CELF2: variants seen among roughly 807,000 people sequenced by gnomAD.
CELF2 encodes the protein CUGBP Elav-like family member 2, also known as CUG triplet repeat RNA-binding protein 2.
In CELF2, 8 loss-of-function variants were observed where a neutral mutation model predicts 62.6. The observed-to-expected ratio is 0.13, with a 90% CI of 0.07 to 0.23. CELF2 has a LOEUF of 0.23. Among genes scored for constraint, CELF2 ranks in the 10% least tolerant of loss-of-function variants. CELF2 has a pLI of 1.00. For missense variants in CELF2, 333 were observed against 671.0 expected, an observed-to-expected ratio of 0.50 and a Z score of 5.56; for synonymous variants, 258 against 250.0, an observed-to-expected ratio of 1.03 and a Z score of -0.30.
chr10:10,546,927 C>T, the CELF2 span, among the ~76,000 whole-genome samples: 4 of 151,780 alleles, frequency 2.6e-5, no homozygotes, highest in East Asian at 3.9e-4. Flanking sequence ...GGCAACATGG[C>T]GAAACCCCAT....
chr10:10,863,519 T>C (rs2060168799), intron 1 of CELF2, among the ~76,000 whole-genome samples: 1 of 152,194 alleles, frequency 6.6e-6, no homozygotes, highest in Non-Finnish European at 1.5e-5. Context: ...GTCTTATCTA[T>C]CAAATGGGGC....
intron 1 of CELF2, among the ~76,000 whole-genome samples, chr10:11,099,881 CAACAAAAAA>C (rs1157589465): frequency 7.5e-6 from 1 of 133,770 alleles, no homozygotes; most frequent in Admixed American, 7.6e-5. Flanking sequence ...ACAACAACAA[CAACAAAAAA>C]AAAAAAAAAA....
In CELF2 at chr10:11,329,856, A is replaced by C. The variant is rs575212262; in HGVS notation, c.*803A>C. ...TAATAATAAATAAATACATAAATAC[A>C]TAAATAAAAAAGAAAGCCACAGGCC... is the stretch of plus-strand genomic sequence containing the variant. On this transcript the variant is annotated 3_prime_UTR_variant, in exon 13 of 13. Coordinates refer to ENST00000633077, the MANE Select transcript of CELF2 (RefSeq NM_001326342.2). The surrounding 1 kb of genome is among the most constrained non-coding windows in gnomAD (Gnocchi z 5.5). 1 of 152,208 alleles carries C rather than the reference A, an allele frequency of 6.6e-6. No homozygotes were observed. The highest frequency in any genetic ancestry group is 2.4e-5 in the African/African-American group (1 of 41,402). 9.4% of individuals were successfully genotyped at this position (152,208 alleles called of 1,614,324 possible). A position where few individuals can be genotyped will look rare whatever the true frequency, so the allele number is the denominator to read the frequency against.
At chr10:10,574,872 GTTTTTTTTTTT>G in the CELF2 span, among the ~76,000 whole-genome samples, 1 of 105,980 alleles carries the variant, frequency 9.4e-6, no homozygotes, top group African/African-American at 3.2e-5. Flanking sequence ...ACCATGCCTG[GTTTTTTTTTTT>G]TTTTTTTTTT....
chr10:10,852,487 A>G (rs1270974763), intron 1 of CELF2, among the ~76,000 whole-genome samples: 2 of 152,224 alleles, frequency 1.3e-5, no homozygotes, highest in Admixed American at 6.5e-5. Flanking sequence ...AAAGGACAGC[A>G]TGAGGAATGC....
chr10:11,283,966 GGTGGATGACGGATGAGTGTGTGGTGA>G (rs2090056085), intron 8 of CELF2, among the ~76,000 whole-genome samples: 94 of 141,486 alleles, frequency 6.6e-4, no homozygotes, highest in East Asian at 9.3e-4. Context: ...GTGTGTGGTG[GGTGGATGACGGATGAGTGTGTGGTGA>G]GTGGATGAGG....
At chr10:10,642,495 G>A in the CELF2 span, among the ~76,000 whole-genome samples, 1 of 152,214 alleles carries the variant, frequency 6.6e-6, no homozygotes, top group Non-Finnish European at 1.5e-5. Context: ...AGCAACTCCA[G>A]AGAGAAAATG....
chr10:10,854,921 C>G (rs2059613944), intron 1 of CELF2, among the ~76,000 whole-genome samples: 1 of 151,788 alleles, frequency 6.6e-6, no homozygotes, highest in South Asian at 2.1e-4. Context: ...AAAATCTGAG[C>G]CAGCGTCCAC....
chr10:10,568,803 A>G, the CELF2 span, among the ~76,000 whole-genome samples: 1 of 152,178 alleles, frequency 6.6e-6, no homozygotes, highest in Non-Finnish European at 1.5e-5. Flanking sequence ...GAAGTTCTCA[A>G]TTTGGAGAAA....
At chr10:11,119,024 T>G (rs1261464229) in intron 1 of CELF2, among the ~76,000 whole-genome samples, 1 of 152,232 alleles carries the variant, frequency 6.6e-6, no homozygotes, top group Non-Finnish European at 1.5e-5. Context: ...GGCCTGCTTA[T>G]GGCACTTTCT....
At chr10:10,524,940 C>A in the CELF2 span, among the ~76,000 whole-genome samples, 17 of 152,262 alleles carry the variant, frequency 1.1e-4, no homozygotes, top group African/African-American at 3.8e-4. Flanking sequence ...CTGATAATAT[C>A]GCTCTAGTCC....
At chr10:11,060,797 G>C (rs2066531636) in intron 1 of CELF2, among the ~76,000 whole-genome samples, 1 of 152,110 alleles carries the variant, frequency 6.6e-6, no homozygotes, top group African/African-American at 2.4e-5. Flanking sequence ...TATTATAACT[G>C]TTACAGTGAT....
chr10:11,301,678 A>G (rs942135106), intron 9 of CELF2, among the ~76,000 whole-genome samples: 4 of 150,482 alleles, frequency 2.7e-5, no homozygotes, highest in African/African-American at 9.8e-5. Flanking sequence ...TCTGAGCTGC[A>G]TCAGAGGAAC....
At chr10:10,745,104 C>A in the CELF2 span, among the ~76,000 whole-genome samples, 1 of 129,118 alleles carries the variant, frequency 7.7e-6, no homozygotes, top group African/African-American at 2.9e-5. Context: ...CCATCAAAAC[C>A]ATGCCACGTA....
chr10:11,180,406 T>C (rs569290271), intron 2 of CELF2, among the ~76,000 whole-genome samples: 2 of 152,314 alleles, frequency 1.3e-5, no homozygotes, highest in South Asian at 2.1e-4. Flanking sequence ...CTTCCTCATC[T>C]GCAGGATGAA....
chr10:10,807,353 C>T (rs1213324398), intron 1 of CELF2, among the ~76,000 whole-genome samples: 1 of 152,208 alleles, frequency 6.6e-6, no homozygotes, highest in Admixed American at 6.5e-5. Flanking sequence ...GATTTGTATA[C>T]CTTCACTCCG....
the CELF2 span, among the ~76,000 whole-genome samples, chr10:10,678,650 G>A: frequency 6.6e-6 from 1 of 152,196 alleles, no homozygotes; most frequent in Non-Finnish European, 1.5e-5. Context: ...TGTGAGTGAA[G>A]GAGATTGACT....
At chr10:11,295,988 C>T (rs2093131825) in intron 9 of CELF2, among the ~76,000 whole-genome samples, 2 of 152,066 alleles carry the variant, frequency 1.3e-5, no homozygotes, top group South Asian at 4.1e-4. Context: ...TAGTCTGTAA[C>T]CAATTTAAAG....
the CELF2 span, among the ~76,000 whole-genome samples, chr10:10,659,585 T>C: frequency 6.6e-6 from 1 of 152,200 alleles, no homozygotes. Context: ...ATACCTTACC[T>C]GTCCTATTGC....
Sources: allele counts gnomAD v4.1 joint callset (sites outside exome capture counted in the v4.1 genomes callset), GRCh38; gene constraint gnomAD v4.1.1; non-coding constraint Gnocchi (gnomAD v3.1); transcripts MANE v1.5; gene names NCBI Gene and HGNC (gene_info 2026-07-23, HGNC 2026-07-21).